The following DLGAP4 variants were observed in gnomAD, a reference collection of about 807,000 sequenced individuals.
The protein encoded by DLGAP4 is DLG associated protein 4, also known as disks large-associated protein 4.
In DLGAP4, 18 loss-of-function variants were observed where a neutral mutation model predicts 86.9. That is an observed-to-expected ratio of 0.21 (90% CI 0.14 to 0.31). The LOEUF (loss-of-function observed/expected upper bound fraction) is 0.31. DLGAP4 is among the 10% of genes least tolerant of loss of function. DLGAP4 has a pLI of 1.00. For missense variants in DLGAP4, 1,085 were observed against 1,362.6 expected, an observed-to-expected ratio of 0.80 and a Z score of 3.21; for synonymous variants, 548 against 574.3, an observed-to-expected ratio of 0.95 and a Z score of 0.65.
chr20:36,431,997 G>A lies in DLGAP4; in HGVS notation c.280G>A (p.Ala94Thr). The A allele has an allele frequency of 6.2e-7, 1 of 1,614,126 alleles. No homozygotes were observed. Among genetic ancestry groups the A allele is most frequent in the Non-Finnish European group, 8.5e-7 (1 of 1,180,014 alleles). Residue 94 changes from alanine (A) to threonine (T), a missense_variant, in exon 3 of 13, where the codon GCC (alanine) becomes ACC (threonine). Ala to Thr is a moderately conservative substitution (Grantham distance 58). Transcript: ENST00000339266. This position sits in a 1 kb window ranked among gnomAD's most constrained non-coding sequence, Gnocchi z 5.1. Reference sequence around the variant, plus strand: ...GAGCCCCTTCCCCAGCCATGCCCAAGCCACCAAGATCAACCGGCTGCCCGC... The same window carrying A: ...GAGCCCCTTCCCCAGCCATGCCCAAACCACCAAGATCAACCGGCTGCCCGC... ...EESPFPSHAQ[A>T]TKINRLPANL...
chr20:36,352,092 A>G (rs73275112), intron 1 of DLGAP4, among the ~76,000 whole-genome samples: 3,581 of 152,210 alleles, frequency 0.024, 124 homozygotes, highest in African/African-American at 0.078. Flanking sequence ...ACCCCGGGTG[A>G]TCCAGGGAAG....
chr20:36,432,006 A>G lies in DLGAP4; in HGVS notation c.289A>G (p.Ile97Val). ...PFPSHAQATK[I>V]NRLPANLLDQ... ...CCCCAGCCATGCCCAAGCCACCAAG[A>G]TCAACCGGCTGCCCGCCAACCTCCT... is the stretch of plus-strand genomic sequence containing the variant. Residue 97 changes from isoleucine to valine, a missense_variant, in exon 3 of 13, where the codon ATC becomes GTC. This residue lies in a region of DLGAP4 where 1,082 missense variants were observed against 1,344.1 expected (regional missense o/e 0.81). Transcript: ENST00000339266. The surrounding 1 kb of genome is among the most constrained non-coding windows in gnomAD (Gnocchi z 6.5). 1 of 1,614,120 alleles carries G rather than the reference A, an allele frequency of 6.2e-7. No homozygotes were observed. The highest frequency in any genetic ancestry group is 8.5e-7 in the Non-Finnish European group (1 of 1,180,026).
chr20:36,501,978 T>C (rs2036162516), intron 10 of DLGAP4, among the ~76,000 whole-genome samples: 1 of 152,202 alleles, frequency 6.6e-6, no homozygotes, highest in Non-Finnish European at 1.5e-5. Context: ...ACCTGGGCCT[T>C]TCCCCACTTT....
rs868118065 is a variant in DLGAP4, at chr20:36,424,743, T to G, written c.-72-6903T>G. ...TTTTTTTGTTTGTTTTGTTTGTTTTTTTTTTTTTTTGAGACAGAGTCTTGC... is the reference window on the plus strand; with the variant it reads ...TTTTTTTGTTTGTTTTGTTTGTTTTGTTTTTTTTTTGAGACAGAGTCTTGC... On this transcript the variant is annotated intron_variant, in intron 2 of 12. Coordinates refer to ENST00000339266, the MANE Select transcript of DLGAP4 (RefSeq NM_001365621.2). Among the ~76,000 whole-genome samples, 1,200 of 151,352 alleles carry G rather than the reference T, an allele frequency of 7.9e-3. 13 individuals are homozygous for G. Among genetic ancestry groups the G allele is most frequent in the African/African-American group, 0.025 (1,040 of 41,342 alleles).
intron 1 of DLGAP4, among the ~76,000 whole-genome samples, chr20:36,324,509 G>A (rs1228358922): frequency 1.3e-5 from 2 of 152,198 alleles, no homozygotes; most frequent in Non-Finnish European, 2.9e-5. Flanking sequence ...TGTGCCTGGT[G>A]TGAGGTAGGG....
chr20:36,423,085 C>T (rs1441112708), intron 2 of DLGAP4, among the ~76,000 whole-genome samples: 1 of 152,166 alleles, frequency 6.6e-6, no homozygotes, highest in African/African-American at 2.4e-5. Flanking sequence ...TCAAGCCCCC[C>T]ATTGCCTAGA....
chr20:36,526,207 G>A, intron 12 of DLGAP4: 1 of 712,082 alleles, frequency 1.4e-6, no homozygotes, highest in East Asian at 2.7e-5. Flanking sequence ...GGCTGCCCCT[G>A]AAGCATGTGT....
intron 2 of DLGAP4, among the ~76,000 whole-genome samples, chr20:36,396,356 C>CGGACA (rs144783809): frequency 1.8e-3 from 48 of 26,966 alleles, no homozygotes; most frequent in East Asian, 6.1e-3. Context: ...CACACACATA[C>CGGACA]CACACGCACA....
intron 7 of DLGAP4, among the ~76,000 whole-genome samples, chr20:36,493,486 C>G (rs1032027049): frequency 2.6e-5 from 4 of 152,240 alleles, no homozygotes; most frequent in African/African-American, 9.6e-5. Context: ...GAGGAGAGTT[C>G]TGAGAAGCCC....
chr20:36,429,071 T>G (rs1433154237), intron 2 of DLGAP4, among the ~76,000 whole-genome samples: 1 of 152,168 alleles, frequency 6.6e-6, no homozygotes, highest in East Asian at 1.9e-4. Context: ...CCTGCCTGTT[T>G]ATTTATTTAT....
At chr20:36,386,202 A>G (rs2031590449) in intron 2 of DLGAP4, among the ~76,000 whole-genome samples, 1 of 152,132 alleles carries the variant, frequency 6.6e-6, no homozygotes, top group South Asian at 2.1e-4. Context: ...AGCAAGCGTG[A>G]CACATTGTGT....
intron 7 of DLGAP4, among the ~76,000 whole-genome samples, chr20:36,476,705 GTT>G (rs35699904): frequency 0.013 from 1,078 of 85,136 alleles, 4 homozygotes; most frequent in African/African-American, 0.05. Flanking sequence ...TTTTTTTTTG[GTT>G]TTTTTTTTTT....
intron 5 of DLGAP4, 92 bp from the exon 6 acceptor site, chr20:36,442,635 C>A: frequency 7.0e-7 from 1 of 1,434,996 alleles, no homozygotes; most frequent in African/African-American, 1.4e-5. Flanking sequence ...GTTAGACCAG[C>A]CAGCTTCAAG....
chr20:36,381,893 A>G (rs1469977035), intron 2 of DLGAP4, among the ~76,000 whole-genome samples: 2 of 152,112 alleles, frequency 1.3e-5, no homozygotes, highest in African/African-American at 2.4e-5. Flanking sequence ...CAGCGATGGG[A>G]GTGGGCTGCA....
At chr20:36,400,075 C>A (rs2032112709) in intron 2 of DLGAP4, among the ~76,000 whole-genome samples, 1 of 152,178 alleles carries the variant, frequency 6.6e-6, no homozygotes, top group Non-Finnish European at 1.5e-5. Flanking sequence ...AACAAACAAA[C>A]AAAAAACCTG....
chr20:36,344,951 C>A (rs923387581), intron 1 of DLGAP4, among the ~76,000 whole-genome samples: 1 of 152,188 alleles, frequency 6.6e-6, no homozygotes, highest in African/African-American at 2.4e-5. Context: ...ACCTCCACAC[C>A]CCTCCTGGGC....
chr20:36,522,819 G>C (rs1159999258), intron 10 of DLGAP4, among the ~76,000 whole-genome samples: 1 of 152,046 alleles, frequency 6.6e-6, no homozygotes, highest in Non-Finnish European at 1.5e-5. Context: ...TTCTAAGGGG[G>C]TTGGGGATGG....
intron 2 of DLGAP4, among the ~76,000 whole-genome samples, chr20:36,381,767 T>C (rs899649291): frequency 6.6e-6 from 1 of 152,180 alleles, no homozygotes; most frequent in African/African-American, 2.4e-5. Context: ...CTATCGCTGA[T>C]GCTGGTGATG....
At position 36,527,295 on chromosome 20, in the gene DLGAP4, G is replaced by GACTAGATAGAT; in HGVS notation, c.*265_*275dup. The GACTAGATAGAT allele has an allele frequency of 3.0e-6, 1 of 337,568 alleles. No individual in the cohort carries two copies. Among genetic ancestry groups the GACTAGATAGAT allele is most frequent in the Middle Eastern group, 9.0e-4 (1 of 1,106 alleles). The allele number at this position is 337,568 out of a possible 1,614,324, so 20.9% of individuals were successfully genotyped here. ...TTTTTTCCTCTTGCTGGCCGTGGTG[G>GACTAGATAGAT]ACTAGATAGATGGACGTCGGCAACT... On this transcript the variant is annotated 3_prime_UTR_variant, in exon 13 of 13. Coordinates refer to ENST00000339266, the MANE Select transcript of DLGAP4 (RefSeq NM_001365621.2).
Sources: gnomAD v4.1 joint callset for allele counts (sites outside exome capture counted in the v4.1 genomes callset) on GRCh38, gnomAD v4.1.1 for gene constraint, gnomAD v4.1.1 regional missense constraint, Gnocchi (gnomAD v3.1) non-coding constraint, MANE v1.5 for transcripts, NCBI Gene and HGNC (gene_info 2026-07-23, HGNC 2026-07-21) for gene names.